The following ADGRB1 variants were observed in gnomAD, a reference collection of about 807,000 sequenced individuals.
The protein encoded by ADGRB1 is adhesion G protein-coupled receptor B1.
A neutral mutation model predicts 175.7 loss-of-function variants in ADGRB1; 36 were observed. The observed-to-expected ratio is 0.20, with a 90% CI of 0.16 to 0.27. The LOEUF (loss-of-function observed/expected upper bound fraction) is 0.27. Among genes scored for constraint, ADGRB1 ranks in the 10% least tolerant of loss-of-function variants. The pLI, the probability that ADGRB1 is intolerant of heterozygous loss-of-function variation, is 1.00. For missense variants in ADGRB1, 1,731 were observed against 2,255.3 expected (o/e 0.77, Z 4.71); for synonymous variants, 1,054 against 979.4 (o/e 1.08, Z -1.42).
At chr8:142,525,287 G>T (rs983034090) in intron 23 of ADGRB1, among the ~76,000 whole-genome samples, 1 of 151,988 alleles carries the variant, frequency 6.6e-6, no homozygotes. Context: ...AGGCAGGAGA[G>T]GCGTGGGGTA....
At chr8:142,519,728 T>G (rs1394692025) in intron 19 of ADGRB1, among the ~76,000 whole-genome samples, 7 of 96,946 alleles carry the variant, frequency 7.2e-5, no homozygotes, top group African/African-American at 2.2e-4. Context: ...TGCTGGTGAT[T>G]GTGGTGATGG....
intron 9 of ADGRB1, among the ~76,000 whole-genome samples, chr8:142,480,897 G>T (rs1485937350): frequency 1.3e-5 from 2 of 152,164 alleles, no homozygotes; most frequent in Non-Finnish European, 2.9e-5. Flanking sequence ...AGCCAGGCAG[G>T]GGCCCAGGGT....
At chr8:142,505,599 G>A (rs925109761) in intron 17 of ADGRB1, among the ~76,000 whole-genome samples, 2 of 152,202 alleles carry the variant, frequency 1.3e-5, no homozygotes, top group Non-Finnish European at 2.9e-5. Context: ...GGTTACTGAC[G>A]GGACTGTGGC....
chr8:142,513,410 T>C (rs1359918235), intron 18 of ADGRB1, among the ~76,000 whole-genome samples: 2 of 152,174 alleles, frequency 1.3e-5, no homozygotes, highest in Non-Finnish European at 2.9e-5. Context: ...GGCCTTCCTG[T>C]CCTTTCCACA....
intron 16 of ADGRB1, 98 bp downstream of exon 16, chr8:142,489,536 C>A: frequency 1.5e-6 from 2 of 1,320,206 alleles, no homozygotes; most frequent in Non-Finnish European, 2.2e-6. Flanking sequence ...GGCCTCCTCA[C>A]AACAGCTTTA....
Position 142,511,124 on chromosome 8 carries a change from GGGGGCTGCCGGC to G in ADGRB1, c.2817+55_2817+66del. 9.5e-7 allele frequency: 1 copy of G among 1,051,916 alleles called. No individual in the cohort carries two copies. Among genetic ancestry groups the G allele is most frequent in the Non-Finnish European group, 1.1e-6 (1 of 873,318 alleles). The allele number at this position is 1,051,916 out of a possible 1,614,324, so 65.2% of individuals were successfully genotyped here. A position where few individuals can be genotyped will look rare whatever the true frequency, so the allele number is the denominator to read the frequency against. The stretch of plus-strand genomic sequence containing the variant: ...AGGGGCGCCGGGCAGGGGCGCGGGC[GGGGGCTGCCGGC>G]GGGCCTGCGGGTGGGGAGGGCCCGC... On this transcript the variant is annotated intron_variant, in intron 18 of 30. Coordinates refer to ENST00000517894, the MANE Select transcript of ADGRB1 (RefSeq NM_001702.3). The surrounding 1 kb of genome is among the most constrained non-coding windows in gnomAD (Gnocchi z 4.5).
intron 2 of ADGRB1, among the ~76,000 whole-genome samples, chr8:142,466,214 G>A (rs1023502768): frequency 1.3e-5 from 2 of 152,172 alleles, no homozygotes; most frequent in Non-Finnish European, 2.9e-5. Flanking sequence ...AGGCTGGAGG[G>A]CCATCTTGGG....
chr8:142,488,348 T>C lies in ADGRB1; in HGVS notation c.2309-16T>C. The C allele has an allele frequency of 6.2e-7, 1 of 1,612,792 alleles. No homozygotes were observed. The highest frequency in any genetic ancestry group is 8.5e-7 in the Non-Finnish European group (1 of 1,179,710). On this transcript the variant is annotated splice_polypyrimidine_tract_variant and intron_variant, in intron 13 of 30. Transcript: ENST00000517894. ...TCCCTCCTCTCTGTCTCTCCCGCCT[T>C]TGACCCTGCTCCCAGTTCTCAGCAT...
intron 22 of ADGRB1, 25 bp downstream of exon 22, chr8:142,522,735 G>A: frequency 6.8e-7 from 1 of 1,478,260 alleles, no homozygotes; most frequent in African/African-American, 1.5e-5. Flanking sequence ...TGGGGGTGTG[G>A]TGGATGGCCA....
intron 1 of ADGRB1, among the ~76,000 whole-genome samples, chr8:142,459,352 T>C (rs1230173624): frequency 6.6e-6 from 1 of 152,144 alleles, no homozygotes; most frequent in Non-Finnish European, 1.5e-5. Context: ...TGGGAGCTGG[T>C]GTGGCCGAGG....
chr8:142,540,409 C>T (rs1845199227), intron 27 of ADGRB1, among the ~76,000 whole-genome samples: 1 of 152,242 alleles, frequency 6.6e-6, no homozygotes, highest in Non-Finnish European at 1.5e-5. Context: ...TGTATGTGGG[C>T]CTCTCTGAGC....
At chr8:142,533,011 G>A (rs571993864) in intron 24 of ADGRB1, among the ~76,000 whole-genome samples, 1 of 152,178 alleles carries the variant, frequency 6.6e-6, no homozygotes, top group South Asian at 2.1e-4. Context: ...TTGACGGTGG[G>A]CTCCTCCCCA....
At chr8:142,498,480 G>A (rs529019126) in intron 17 of ADGRB1, among the ~76,000 whole-genome samples, 7 of 152,254 alleles carry the variant, frequency 4.6e-5, no homozygotes, top group African/African-American at 9.6e-5. Context: ...GGCTGGGGGC[G>A]TGCAAGTCTT....
Position 142,508,187 on chromosome 8 carries a change from G to A in ADGRB1, c.2676-2745G>A, listed in dbSNP as rs916151031. 7.2e-5 allele frequency among the ~76,000 whole-genome samples: 11 copies of A among 152,154 alleles called. 1 individual carries two copies. Among genetic ancestry groups the A allele is most frequent in the African/African-American group, 2.7e-4 (11 of 41,432 alleles). ...AAGCCAGGAAATAAACTCAGCCAAT[G>A]CAGGTTTCCTGGGAGTTACCTGAGC... is the stretch of plus-strand genomic sequence containing the variant. On this transcript the variant is annotated intron_variant, in intron 17 of 30. Coordinates refer to ENST00000517894, the MANE Select transcript of ADGRB1 (RefSeq NM_001702.3).
rs546097304 is a variant in ADGRB1, at chr8:142,543,848, C to T, written c.4557+140C>T. ...CATTCATTCATTCATTCGCCCATCC[C>T]TGAGGGCTGGCCTGACCCTGCCATG... On this transcript the variant is annotated intron_variant, in intron 30 of 30. Coordinates refer to ENST00000517894, the MANE Select transcript of ADGRB1 (RefSeq NM_001702.3). This position sits in a 1 kb window ranked among gnomAD's most constrained non-coding sequence, Gnocchi z 4.4. 1.1e-6 allele frequency: 1 copy of T among 942,926 alleles called. No homozygotes were observed. Among genetic ancestry groups the T allele is most frequent in the Non-Finnish European group, 1.6e-6 (1 of 615,036 alleles). 58.4% of individuals were successfully genotyped at this position (942,926 alleles called of 1,614,324 possible).
intron 17 of ADGRB1, among the ~76,000 whole-genome samples, chr8:142,494,759 G>T (rs1474098397): frequency 6.6e-6 from 1 of 151,540 alleles, no homozygotes; most frequent in Non-Finnish European, 1.5e-5. Context: ...ATCCAGTCCT[G>T]AACGCTGGCC....
At chr8:142,471,268 A>G (rs1371057928) in intron 2 of ADGRB1, among the ~76,000 whole-genome samples, 1 of 152,108 alleles carries the variant, frequency 6.6e-6, no homozygotes, top group African/African-American at 2.4e-5. Context: ...TCAGCCCTTC[A>G]CCTCCTCCGC....
rs776637414 is a variant in ADGRB1 at position 142,477,568 on chromosome 8, G to C, written c.1387+19G>C. On this transcript the variant is annotated intron_variant, in intron 6 of 30. Coordinates refer to ENST00000517894, the MANE Select transcript of ADGRB1 (RefSeq NM_001702.3). Reference sequence around the variant, plus strand: ...TGCCCTGGTAGGTGAGAGGGAGGGCGTAGGGGCAGGGAGGAAGGGAAGAAA... The same window carrying C: ...TGCCCTGGTAGGTGAGAGGGAGGGCCTAGGGGCAGGGAGGAAGGGAAGAAA... 4 of 1,606,400 alleles carry C rather than the reference G, an allele frequency of 2.5e-6. No individual in the cohort carries two copies. Among genetic ancestry groups the C allele is most frequent in the African/African-American group, 1.3e-5 (1 of 74,826 alleles).
intron 11 of ADGRB1, among the ~76,000 whole-genome samples, chr8:142,483,626 ACACACTGAGCCCTGACCCTGGT>A (rs1164339637): frequency 2.7e-5 from 4 of 146,894 alleles, no homozygotes; most frequent in Admixed American, 6.8e-5. Context: ...GATCCTGGTC[ACACACTGAGCCCTGACCCTGGT>A]CACACTGAGC....
Sources: gnomAD v4.1 joint callset for allele counts (sites outside exome capture counted in the v4.1 genomes callset) on GRCh38, gnomAD v4.1.1 for gene constraint, Gnocchi (gnomAD v3.1) non-coding constraint, MANE v1.5 for transcripts, NCBI Gene and HGNC (gene_info 2026-07-23, HGNC 2026-07-21) for gene names.